IRAK2: variants seen among roughly 807,000 people sequenced by gnomAD.
IRAK2 encodes interleukin-1 receptor-associated kinase-like 2.
Under a neutral mutation model 72.0 loss-of-function variants are expected in IRAK2, and 57 were observed. That is an observed-to-expected ratio of 0.79 (90% confidence interval 0.64 to 0.99). The LOEUF (loss-of-function observed/expected upper bound fraction) is 0.99. Ranked by LOEUF, IRAK2 falls within the 50% of genes least tolerant of loss-of-function variation. IRAK2 has a pLI of 0.00. For synonymous variants in IRAK2, 293 were observed against 312.7 expected (o/e 0.94, Z 0.67); for missense variants, 790 against 794.4 (o/e 0.99, Z 0.07).
chr3:10,197,893 GA>G (rs1217838467), intron 2 of IRAK2, among the ~76,000 whole-genome samples: 2 of 143,284 alleles, frequency 1.4e-5, no homozygotes, highest in East Asian at 4.3e-4. Context: ...TGACAGTAAA[GA>G]AAACACAAGG....
At chr3:10,219,876 C>A in intron 8 of IRAK2, 87 bp downstream of exon 8, 1 of 832,406 alleles carries the variant, frequency 1.2e-6, no homozygotes, top group South Asian at 1.4e-5. Context: ...CGCTCCGCCA[C>A]TCACCCCTGT....
At chr3:10,173,232 C>G (rs1696824144) in intron 1 of IRAK2, among the ~76,000 whole-genome samples, 1 of 152,044 alleles carries the variant, frequency 6.6e-6, no homozygotes, top group Admixed American at 6.6e-5. Context: ...AGGATTTGAA[C>G]CCAGGCCCCG....
At chr3:10,239,324 CAG>C (rs1698016279) in intron 12 of IRAK2, among the ~76,000 whole-genome samples, 1 of 152,212 alleles carries the variant, frequency 6.6e-6, no homozygotes, top group South Asian at 2.1e-4. Context: ...CTCCTGTCCT[CAG>C]GGGACTGCAT....
intron 8 of IRAK2, among the ~76,000 whole-genome samples, chr3:10,220,989 T>G (rs1697678435): frequency 6.6e-6 from 1 of 152,158 alleles, no homozygotes; most frequent in Non-Finnish European, 1.5e-5. Flanking sequence ...ACCGTCATGT[T>G]TTTTAGTGTC....
In IRAK2 at chr3:10,209,574, G is replaced by C; in HGVS notation, c.425-15G>C. 3.3e-6 allele frequency: 5 copies of C among 1,526,338 alleles called. No homozygotes were observed. Among genetic ancestry groups the C allele is most frequent in the Non-Finnish European group, 4.4e-6 (5 of 1,136,840 alleles). The allele number at this position is 1,526,338 out of a possible 1,614,324, so 94.5% of individuals were successfully genotyped here. A position where few individuals can be genotyped will look rare whatever the true frequency, so the allele number is the denominator to read the frequency against. On this transcript the variant is annotated splice_polypyrimidine_tract_variant and intron_variant, in intron 3 of 12. Transcript: ENST00000256458. ...CCCCGAGGCTGCATCCTGACCCATAGTCCCTCCTTTCCAGGGTCCTCTCCA... is the reference window on the plus strand; with the variant it reads ...CCCCGAGGCTGCATCCTGACCCATACTCCCTCCTTTCCAGGGTCCTCTCCA...
At chr3:10,168,995 G>A (rs1575948708) in intron 1 of IRAK2, among the ~76,000 whole-genome samples, 1 of 152,100 alleles carries the variant, frequency 6.6e-6, no homozygotes, top group South Asian at 2.1e-4. Context: ...AGTGTCGGCC[G>A]GTCTGAGAAA....
intron 3 of IRAK2, among the ~76,000 whole-genome samples, chr3:10,201,121 C>A (rs1251309679): frequency 6.6e-6 from 1 of 152,226 alleles, no homozygotes; most frequent in African/African-American, 2.4e-5. Context: ...TAATTGGAGG[C>A]TTTCTAGTGC....
chr3:10,230,446 C>A (rs762179588), intron 10 of IRAK2, among the ~76,000 whole-genome samples: 13 of 152,022 alleles, frequency 8.6e-5, no homozygotes, highest in Non-Finnish European at 1.6e-4. Flanking sequence ...CCTTAGCCTC[C>A]CGGGTAGCTG....
At chr3:10,176,065 GTTTTT>G (rs58627914) in intron 1 of IRAK2, among the ~76,000 whole-genome samples, 9 of 77,402 alleles carry the variant, frequency 1.2e-4, no homozygotes, top group African/African-American at 4.1e-4. Flanking sequence ...TATTGTCCAT[GTTTTT>G]TTTTTTTTTT....
intron 4 of IRAK2, among the ~76,000 whole-genome samples, chr3:10,210,569 G>A (rs1363264666): frequency 6.6e-6 from 1 of 152,156 alleles, no homozygotes; most frequent in Admixed American, 6.5e-5. Context: ...GGAGAAGCCA[G>A]CTTTGCATGA....
At chr3:10,211,271 A>C (rs986286188) in intron 4 of IRAK2, among the ~76,000 whole-genome samples, 1 of 151,920 alleles carries the variant, frequency 6.6e-6, no homozygotes, top group African/African-American at 2.4e-5. Context: ...CCTCCTGAGT[A>C]TCCGGGATTA....
chr3:10,212,302 A>G (rs1358231880), intron 4 of IRAK2, among the ~76,000 whole-genome samples: 1 of 151,742 alleles, frequency 6.6e-6, no homozygotes, highest in Non-Finnish European at 1.5e-5. Flanking sequence ...TTTTTTTTGC[A>G]ATTTTTTTTT....
intron 1 of IRAK2, among the ~76,000 whole-genome samples, chr3:10,172,599 G>A (rs1252684198): frequency 1.3e-5 from 2 of 148,570 alleles, no homozygotes; most frequent in African/African-American, 4.9e-5. Flanking sequence ...CAGCACTTTG[G>A]GAGGCCGAGG....
chr3:10,231,326 C>G (rs1370657288), intron 10 of IRAK2, among the ~76,000 whole-genome samples: 1 of 152,088 alleles, frequency 6.6e-6, no homozygotes, highest in Non-Finnish European at 1.5e-5. Flanking sequence ...GAGTCTCCCT[C>G]TGTGGCCCAG....
chr3:10,228,902 GGA>G (rs2125162742), intron 10 of IRAK2, among the ~76,000 whole-genome samples: 1 of 152,234 alleles, frequency 6.6e-6, no homozygotes, highest in Admixed American at 6.5e-5. Flanking sequence ...ACACATGTGA[GGA>G]GAGGCAGATG....
intron 4 of IRAK2, among the ~76,000 whole-genome samples, chr3:10,210,349 C>T (rs1697499293): frequency 6.6e-6 from 1 of 151,970 alleles, no homozygotes; most frequent in Non-Finnish European, 1.5e-5. Flanking sequence ...CCACCACATT[C>T]CACCCTGGGT....
chr3:10,212,079 CA>C lies in IRAK2; in HGVS notation c.529-1112del, dbSNP rs34310634. The stretch of plus-strand genomic sequence containing the variant: ...TGGGTGACAGTACGAGACTCTGTCT[CA>C]AAAAAAAAAAAAAAATTACGTACAT... On this transcript the variant is annotated intron_variant, in intron 4 of 12. Transcript: ENST00000256458. 3.8e-3 allele frequency among the ~76,000 whole-genome samples: 465 copies of C among 121,562 alleles called. 2 individuals carry two copies. Among genetic ancestry groups the C allele is most frequent in the Middle Eastern group, 4.6e-3 (1 of 218 alleles). 79.7% of individuals were successfully genotyped at this position (121,562 alleles called of 152,430 possible).
chr3:10,166,001 T>TC (rs939024428), intron 1 of IRAK2, among the ~76,000 whole-genome samples: 2 of 151,914 alleles, frequency 1.3e-5, no homozygotes, highest in African/African-American at 4.8e-5. Flanking sequence ...AGTGCTGGGA[T>TC]TACAGGCATG....
chr3:10,239,658 C>T (rs2125166508), intron 12 of IRAK2, among the ~76,000 whole-genome samples: 1 of 151,702 alleles, frequency 6.6e-6, no homozygotes, highest in Admixed American at 6.6e-5. Flanking sequence ...ACCCGGGAGG[C>T]AGAGGTTGCA....
Sources: allele counts gnomAD v4.1 joint callset (sites outside exome capture counted in the v4.1 genomes callset), GRCh38; gene constraint gnomAD v4.1.1; transcripts MANE v1.5; gene names NCBI Gene and HGNC (gene_info 2026-07-23, HGNC 2026-07-21).